The following PRKN variants were observed in gnomAD, a reference collection of about 807,000 sequenced individuals.
PRKN encodes parkin RBR E3 ubiquitin protein ligase.
A neutral mutation model predicts 59.5 loss-of-function variants in PRKN; 56 were observed. The ratio of observed to expected loss-of-function variants is 0.94; its 90% CI spans 0.76 to 1.18. The LOEUF (loss-of-function observed/expected upper bound fraction) is 1.18, where lower values mean the gene tolerates loss of function less well. PRKN is among the 50% of genes most tolerant of loss of function. The pLI is 0.00. For missense variants in PRKN, 657 were observed against 596.4 expected (o/e 1.10, Z -1.06); for synonymous variants, 250 against 222.1 (o/e 1.13, Z -1.12).
At chr6:162,597,679 T>C (rs1781544011) in intron 1 of PRKN, among the ~76,000 whole-genome samples, 1 of 152,164 alleles carries the variant, frequency 6.6e-6, no homozygotes, top group Admixed American at 6.5e-5. Context: ...CAGACATAGA[T>C]TGAACTTTTA....
chr6:161,621,423 C>T (rs1278961730), intron 7 of PRKN, among the ~76,000 whole-genome samples: 2 of 152,078 alleles, frequency 1.3e-5, no homozygotes, highest in African/African-American at 2.4e-5. Context: ...GTCCTTGAGT[C>T]CCAAGGCTGG....
chr6:162,061,760 GTA>G (rs1428532054), intron 4 of PRKN, among the ~76,000 whole-genome samples: 2 of 152,176 alleles, frequency 1.3e-5, no homozygotes, highest in Non-Finnish European at 2.9e-5. Flanking sequence ...CACTTACCAA[GTA>G]TTTATTGTTG....
rs1217225952 is a variant in PRKN, at chr6:161,928,575, A to G, written c.734+44727T>C. On this transcript the variant is annotated intron_variant, in intron 6 of 11. Coordinates refer to ENST00000366898, the MANE Select transcript of PRKN (RefSeq NM_004562.3). ...CGTATGGACTAGGGTGGGAGGTGAG[A>G]TAAGATAGAAAATATAACAATCATC... Among the ~76,000 whole-genome samples the G allele has an allele frequency of 2.0e-5, 3 of 152,342 alleles. No individual in the cohort carries two copies. The East Asian group carries it at 5.8e-4, about 29-fold the overall frequency.
In PRKN at chr6:162,386,201, T is replaced by C. The variant is rs182549232; in HGVS notation, c.171+57109A>G. ...TTGTGGAAAATGCTGAGAGACTGGA[T>C]GGTGTGTTCTCCCAGCAAAATGCTA... On this transcript the variant is annotated intron_variant, in intron 2 of 11. Coordinates refer to ENST00000366898, the MANE Select transcript of PRKN (RefSeq NM_004562.3). Among the ~76,000 whole-genome samples, 932 of 152,324 alleles carry C rather than the reference T, an allele frequency of 6.1e-3. 6 individuals are homozygous for C. Among genetic ancestry groups the C allele is most frequent in the African/African-American group, 0.019 (780 of 41,578 alleles).
intron 2 of PRKN, among the ~76,000 whole-genome samples, chr6:162,287,543 G>A (rs1021234292): frequency 1.3e-5 from 2 of 152,040 alleles, no homozygotes; most frequent in East Asian, 3.9e-4. Context: ...ACTCCAGCCC[G>A]GGCAACAGAG....
rs1190370809 is a variant in PRKN at position 161,373,926 on chromosome 6, G to A, written c.1167+12868C>T. Among the ~76,000 whole-genome samples, 2 of 152,124 alleles carry A rather than the reference G, an allele frequency of 1.3e-5. No homozygotes were observed. The highest frequency in any genetic ancestry group is 6.5e-5 in the Admixed American group (1 of 15,276). ...CTTCGATTCCCTCTTGCCTGTTGTCGGCTGGGCCACTATGCAGGCGTGGCT... is the reference window on the plus strand; with the variant it reads ...CTTCGATTCCCTCTTGCCTGTTGTCAGCTGGGCCACTATGCAGGCGTGGCT... On this transcript the variant is annotated intron_variant, in intron 10 of 11. Coordinates refer to ENST00000366898, the MANE Select transcript of PRKN (RefSeq NM_004562.3). The surrounding 1 kb of genome is among the most constrained non-coding windows in gnomAD (Gnocchi z 4.8).
chr6:162,129,150 C>A (rs1046249235), intron 4 of PRKN, among the ~76,000 whole-genome samples: 3 of 152,110 alleles, frequency 2.0e-5, no homozygotes, highest in East Asian at 1.9e-4. Context: ...AGCAAAAATT[C>A]CTGATCAGAT....
chr6:162,570,135 A>G (rs1780257915), intron 1 of PRKN, among the ~76,000 whole-genome samples: 1 of 152,246 alleles, frequency 6.6e-6, no homozygotes, highest in Non-Finnish European at 1.5e-5. Flanking sequence ...ATCATTTTAA[A>G]TAGGCAAAAG....
In PRKN at chr6:161,588,164, T is replaced by A. The variant is rs1781587312; in HGVS notation, c.872-18748A>T. ...ACTTTGGGAGGCCGAGTCGGGTGGA[T>A]CACAAGGTCAGGAGTTCGAGACCAG... On this transcript the variant is annotated intron_variant, in intron 7 of 11. Transcript: ENST00000366898. The surrounding 1 kb of genome is among the most constrained non-coding windows in gnomAD (Gnocchi z 5.0). Among the ~76,000 whole-genome samples, 1 of 152,040 alleles carries A rather than the reference T, an allele frequency of 6.6e-6. No homozygotes were observed. The highest frequency in any genetic ancestry group is 2.1e-4 in the South Asian group (1 of 4,818).
chr6:161,739,036 AG>A (rs1788081399), intron 7 of PRKN, among the ~76,000 whole-genome samples: 1 of 152,238 alleles, frequency 6.6e-6, no homozygotes, highest in Non-Finnish European at 1.5e-5. Flanking sequence ...TTGATATGCC[AG>A]GATCCTCTTA....
chr6:161,350,478 T>C (rs192550932), intron 11 of PRKN, among the ~76,000 whole-genome samples: 1 of 150,498 alleles, frequency 6.6e-6, no homozygotes, highest in African/African-American at 2.4e-5. Flanking sequence ...TCTGACTTTA[T>C]TCTCCTGAAA....
chr6:162,000,033 T>A (rs1781991838), intron 5 of PRKN, among the ~76,000 whole-genome samples: 1 of 152,112 alleles, frequency 6.6e-6, no homozygotes, highest in Non-Finnish European at 1.5e-5. Context: ...GTTATATTTT[T>A]CCATCCATCT....
intron 4 of PRKN, among the ~76,000 whole-genome samples, chr6:162,167,980 T>C (rs1289536513): frequency 1.3e-5 from 2 of 152,186 alleles, no homozygotes. Context: ...CGTCATTTTT[T>C]CACTAATTCA....
chr6:162,012,001 C>T (rs760758908), intron 5 of PRKN, among the ~76,000 whole-genome samples: 2 of 152,078 alleles, frequency 1.3e-5, no homozygotes, highest in East Asian at 3.8e-4. Flanking sequence ...CTACACTACA[C>T]TGTGCTATGT....
chr6:162,305,637 G>C (rs190498157), intron 2 of PRKN, among the ~76,000 whole-genome samples: 1 of 152,012 alleles, frequency 6.6e-6, no homozygotes, highest in Admixed American at 6.6e-5. Flanking sequence ...AAAATGTTTT[G>C]GTTTTTAGTT....
intron 1 of PRKN, chr6:162,624,622 C>G (rs1362792901): frequency 6.6e-6 from 1 of 152,220 alleles, no homozygotes; most frequent in Non-Finnish European, 1.5e-5. Context: ...TTAGCTGCAT[C>G]TTAAAAGACT....
intron 7 of PRKN, among the ~76,000 whole-genome samples, chr6:161,773,838 GA>G (rs1325487421): frequency 6.6e-6 from 1 of 152,112 alleles, no homozygotes; most frequent in Non-Finnish European, 1.5e-5. Context: ...AGAAGAAGAA[GA>G]AGGGGAAAGA....
intron 5 of PRKN, among the ~76,000 whole-genome samples, chr6:161,977,553 T>TG (rs1160899474): frequency 6.8e-6 from 1 of 146,532 alleles, no homozygotes; most frequent in Admixed American, 6.8e-5. Context: ...TTTTTTTTTT[T>TG]TTTTTTTTTT....
At chr6:161,490,553 G>C (rs1583144924) in intron 9 of PRKN, among the ~76,000 whole-genome samples, 1 of 152,030 alleles carries the variant, frequency 6.6e-6, no homozygotes, top group South Asian at 2.1e-4. Flanking sequence ...ACCACGCTCA[G>C]CTAATTTTTG....
Sources: gnomAD v4.1 joint callset for allele counts (sites outside exome capture counted in the v4.1 genomes callset) on GRCh38, gnomAD v4.1.1 for gene constraint, Gnocchi (gnomAD v3.1) non-coding constraint, MANE v1.5 for transcripts, NCBI Gene and HGNC (gene_info 2026-07-23, HGNC 2026-07-21) for gene names.